PPP2R2B: variants seen among roughly 807,000 people sequenced by gnomAD.
PPP2R2B encodes protein phosphatase 2 regulatory subunit Bbeta.
A neutral mutation model predicts 46.0 loss-of-function variants in PPP2R2B; 5 were observed. That is an observed-to-expected ratio of 0.11 (90% CI 0.06 to 0.23). PPP2R2B has a LOEUF of 0.23. Ranked by LOEUF, PPP2R2B falls within the 10% of genes least tolerant of loss-of-function variation. The probability of loss-of-function intolerance (pLI) is 1.00; values close to 1 mark genes in which losing one functional copy is unlikely to be tolerated. For synonymous variants in PPP2R2B, 215 were observed against 206.7 expected (o/e 1.04, Z -0.34); for missense variants, 367 against 575.0 (o/e 0.64, Z 3.70).
At chr5:146,670,699 T>C (rs1477573879) in intron 5 of PPP2R2B, among the ~76,000 whole-genome samples, 2 of 151,986 alleles carry the variant, frequency 1.3e-5, no homozygotes, top group Non-Finnish European at 2.9e-5. Flanking sequence ...TTTCATCATG[T>C]CAGCCAGGCT....
At chr5:146,838,663 G>T (rs173638) in intron 2 of PPP2R2B, among the ~76,000 whole-genome samples, 22,153 of 151,900 alleles carry the variant, frequency 0.15, 1,682 homozygotes, top group African/African-American at 0.2. Context: ...GAGGAATGAG[G>T]ATAGACTAGA....
At position 146,854,844 on chromosome 5, in the gene PPP2R2B, A is replaced by G. The variant is rs114677906; in HGVS notation, c.70+23158T>C. Among the ~76,000 whole-genome samples, 735 of 152,282 alleles carry G rather than the reference A, an allele frequency of 4.8e-3. 8 individuals are homozygous for G. Among genetic ancestry groups the G allele is most frequent in the African/African-American group, 0.017 (694 of 41,560 alleles). ...TGATGAGGCACAGTGAAAAGCAGGT[A>G]TTTATCCTGGCTATTCTTCACGACA... On this transcript the variant is annotated intron_variant, in intron 2 of 9. Coordinates refer to ENST00000394411, the MANE Select transcript of PPP2R2B (RefSeq NM_181675.4).
intron 1 of PPP2R2B, among the ~76,000 whole-genome samples, chr5:146,978,003 G>A (rs1439937878): frequency 6.6e-6 from 1 of 152,176 alleles, no homozygotes; most frequent in Non-Finnish European, 1.5e-5. Flanking sequence ...CAGTGTAAAA[G>A]CATTCCTATT....
At chr5:147,046,989 G>A (rs1403529374) in intron 1 of PPP2R2B, among the ~76,000 whole-genome samples, 1 of 152,022 alleles carries the variant, frequency 6.6e-6, no homozygotes, top group African/African-American at 2.4e-5. Context: ...CACTTAATCT[G>A]ACACCAACAC....
intron 2 of PPP2R2B, among the ~76,000 whole-genome samples, chr5:147,077,617 A>T (rs1402087439): frequency 6.6e-6 from 1 of 152,180 alleles, no homozygotes. Context: ...AATTCACTCA[A>T]CAAATACTCA....
chr5:146,811,818 C>T (rs559770293), intron 2 of PPP2R2B, among the ~76,000 whole-genome samples: 3 of 151,162 alleles, frequency 2.0e-5, no homozygotes, highest in Non-Finnish European at 2.9e-5. Context: ...CTGCCCGCCT[C>T]GGCCACCCAA....
intron 2 of PPP2R2B, among the ~76,000 whole-genome samples, chr5:146,712,868 C>A (rs1780287078): frequency 6.6e-6 from 1 of 152,190 alleles, no homozygotes; most frequent in South Asian, 2.1e-4. Flanking sequence ...TTAATTAATT[C>A]ATTCATTGAC....
intron 2 of PPP2R2B, among the ~76,000 whole-genome samples, chr5:146,729,632 C>G (rs946944322): frequency 6.6e-6 from 1 of 152,162 alleles, no homozygotes; most frequent in Non-Finnish European, 1.5e-5. Context: ...ACTTGGTGCC[C>G]TGTATCCCAG....
chr5:147,037,600 G>A (rs1465547095), intron 1 of PPP2R2B, among the ~76,000 whole-genome samples: 2 of 152,054 alleles, frequency 1.3e-5, no homozygotes, highest in East Asian at 3.9e-4. Context: ...TGTTGAGTGA[G>A]CAAGAAACTT....
At chr5:146,857,371 AC>A (rs1467493301) in intron 2 of PPP2R2B, among the ~76,000 whole-genome samples, 1 of 152,226 alleles carries the variant, frequency 6.6e-6, no homozygotes, top group Admixed American at 6.5e-5. Context: ...GCTTCAACAT[AC>A]CACTAATATA....
intron 1 of PPP2R2B, among the ~76,000 whole-genome samples, chr5:146,989,419 T>C (rs1454078009): frequency 6.6e-6 from 1 of 152,086 alleles, no homozygotes; most frequent in Non-Finnish European, 1.5e-5. Context: ...TAGGATTCAT[T>C]CCAGGGATGC....
intron 2 of PPP2R2B, among the ~76,000 whole-genome samples, chr5:146,799,425 T>G (rs372419333): frequency 6.6e-6 from 1 of 152,204 alleles, no homozygotes; most frequent in South Asian, 2.1e-4. Context: ...TTTCTCAGCT[T>G]CTGGCTGCTG....
At chr5:146,615,528 A>G (rs1220613837) in intron 7 of PPP2R2B, among the ~76,000 whole-genome samples, 20 of 147,576 alleles carry the variant, frequency 1.4e-4, no homozygotes, top group African/African-American at 5.0e-4. Context: ...AAAAAAAAAA[A>G]AAGAAAAAAA....
intron 7 of PPP2R2B, 144 bp downstream of exon 7, chr5:146,638,107 T>C: frequency 4.3e-6 from 3 of 700,338 alleles, no homozygotes; most frequent in Non-Finnish European, 6.5e-6. Context: ...TACTGAAATA[T>C]AAAATACGGA....
chr5:146,958,042 G>A (rs1426938039), intron 1 of PPP2R2B, among the ~76,000 whole-genome samples: 1 of 152,024 alleles, frequency 6.6e-6, no homozygotes, highest in African/African-American at 2.4e-5. Flanking sequence ...AGTTGGAGGA[G>A]GATCATCAAA....
intron 8 of PPP2R2B, among the ~76,000 whole-genome samples, chr5:146,595,621 G>A (rs994242724): frequency 6.6e-6 from 1 of 152,126 alleles, no homozygotes; most frequent in African/African-American, 2.4e-5. Flanking sequence ...CCAATTGACA[G>A]CATTTAAAGA....
intron 2 of PPP2R2B, among the ~76,000 whole-genome samples, chr5:146,820,239 G>A (rs1398650642): frequency 6.6e-6 from 1 of 152,112 alleles, no homozygotes; most frequent in Non-Finnish European, 1.5e-5. Flanking sequence ...CATGTCTGAG[G>A]TGATATGTTA....
chr5:146,699,402 A>G (rs1160207499), intron 3 of PPP2R2B, among the ~76,000 whole-genome samples: 2 of 152,220 alleles, frequency 1.3e-5, no homozygotes, highest in African/African-American at 4.8e-5. Flanking sequence ...CACAAAGCTT[A>G]ACGCTTAACT....
At chr5:146,701,216 T>C in intron 2 of PPP2R2B, 74 bp from the exon 3 acceptor site, 1 of 1,274,494 alleles carries the variant, frequency 7.8e-7, no homozygotes, top group African/African-American at 1.5e-5. Flanking sequence ...AGATATACTT[T>C]TCTGTGCATT....
Sources: allele counts gnomAD v4.1 joint callset (sites outside exome capture counted in the v4.1 genomes callset), GRCh38; gene constraint gnomAD v4.1.1; transcripts MANE v1.5; gene names NCBI Gene and HGNC (gene_info 2026-07-23, HGNC 2026-07-21).